SOX5: variants seen among roughly 807,000 people sequenced by gnomAD.
SOX5 encodes transcription factor SOX-5.
A neutral mutation model predicts 92.0 loss-of-function variants in SOX5; 9 were observed. The observed-to-expected ratio is 0.10, with a 90% CI of 0.06 to 0.17. The LOEUF is 0.17. Ranked by LOEUF, SOX5 falls within the 10% of genes least tolerant of loss-of-function variation. SOX5 has a pLI of 1.00. For synonymous variants in SOX5, 344 were observed against 336.3 expected, an observed-to-expected ratio of 1.02 and a Z score of -0.25; for missense variants, 642 against 944.5, an observed-to-expected ratio of 0.68 and a Z score of 4.20.
intron 6 of SOX5, among the ~76,000 whole-genome samples, chr12:23,716,683 T>A (rs1343333997): frequency 3.3e-5 from 5 of 152,222 alleles, no homozygotes; most frequent in Non-Finnish European, 7.3e-5. Context: ...GGTTCTCTTA[T>A]AAGGCCCTCT....
chr12:23,918,073 A>G (rs546737111), intron 1 of SOX5, among the ~76,000 whole-genome samples: 4 of 152,196 alleles, frequency 2.6e-5, no homozygotes, highest in African/African-American at 4.8e-5. Context: ...TCTAAGACTG[A>G]TGGGAGATTT....
chr12:24,260,437 G>T (rs1392092875), intron 3 of SOX5, among the ~76,000 whole-genome samples: 1 of 152,146 alleles, frequency 6.6e-6, no homozygotes, highest in East Asian at 1.9e-4. Context: ...AAAGTGCCTA[G>T]CACACAGTGA....
At chr12:24,032,376 C>T (rs962804128) in intron 4 of SOX5, among the ~76,000 whole-genome samples, 3 of 151,732 alleles carry the variant, frequency 2.0e-5, no homozygotes, top group Admixed American at 6.6e-5. Context: ...AATTTAGTTC[C>T]TGAAAACATC....
At chr12:24,117,845 C>T (rs966052721) in intron 4 of SOX5, among the ~76,000 whole-genome samples, 1 of 151,722 alleles carries the variant, frequency 6.6e-6, no homozygotes, top group South Asian at 2.1e-4. Flanking sequence ...CATAGTGAAA[C>T]CCTATCTCTA....
chr12:23,779,515 A>G (rs2095213784), intron 3 of SOX5, among the ~76,000 whole-genome samples: 1 of 151,604 alleles, frequency 6.6e-6, no homozygotes, highest in African/African-American at 2.4e-5. Flanking sequence ...TACCAAATTC[A>G]GAAGCTAATG....
intron 1 of SOX5, among the ~76,000 whole-genome samples, chr12:24,520,376 T>A (rs1435411704): frequency 1.3e-5 from 2 of 152,052 alleles, no homozygotes; most frequent in Non-Finnish European, 2.9e-5. Flanking sequence ...ATGGTGGTTT[T>A]GCATGCAGTC....
chr12:23,958,415 C>T (rs1004658802), intron 4 of SOX5, among the ~76,000 whole-genome samples: 9 of 151,910 alleles, frequency 5.9e-5, no homozygotes, highest in African/African-American at 2.2e-4. Flanking sequence ...TGACCTAGTC[C>T]AGTATATGGA....
intron 1 of SOX5, among the ~76,000 whole-genome samples, chr12:24,476,995 CAAAAAAAAA>C (rs11385447): frequency 1.9e-5 from 1 of 53,658 alleles, no homozygotes; most frequent in Admixed American, 2.2e-4. Flanking sequence ...AGACCCCTCT[CAAAAAAAAA>C]AAAAAAAAAA....
At chr12:23,914,673 C>A (rs1036470588) in intron 1 of SOX5, among the ~76,000 whole-genome samples, 3 of 152,056 alleles carry the variant, frequency 2.0e-5, no homozygotes, top group Non-Finnish European at 4.4e-5. Context: ...TTACTAGTCT[C>A]ATTATTAATT....
rs145971345 is a variant in SOX5 at position 23,585,486 on chromosome 12, G to A, written c.1165-9648C>T. On this transcript the variant is annotated intron_variant, in intron 9 of 14. Transcript: ENST00000451604. ...ATTCATTACAGATAGAGGAAAGGGGGCAGTCATTGAAGACAAAGGTAAAAA... is the reference window on the plus strand; with the variant it reads ...ATTCATTACAGATAGAGGAAAGGGGACAGTCATTGAAGACAAAGGTAAAAA... Among the ~76,000 whole-genome samples, 320 of 152,200 alleles carry A rather than the reference G, an allele frequency of 2.1e-3. 3 individuals carry two copies. Among genetic ancestry groups the A allele is most frequent in the African/African-American group, 7.2e-3 (299 of 41,526 alleles).
intron 13 of SOX5, among the ~76,000 whole-genome samples, chr12:23,537,107 T>C (rs1265722082): frequency 6.6e-6 from 1 of 152,164 alleles, no homozygotes; most frequent in Non-Finnish European, 1.5e-5. Flanking sequence ...ACATATATCA[T>C]GTAGTCTCAT....
intron 3 of SOX5, among the ~76,000 whole-genome samples, chr12:24,221,925 G>C (rs1380194333): frequency 6.6e-6 from 1 of 152,216 alleles, no homozygotes; most frequent in Non-Finnish European, 1.5e-5. Context: ...GGCTGCAATG[G>C]AGTGAGTGAA....
At chr12:24,413,045 G>A (rs1039011873) in intron 1 of SOX5, among the ~76,000 whole-genome samples, 4 of 152,292 alleles carry the variant, frequency 2.6e-5, no homozygotes, top group African/African-American at 4.8e-5. Flanking sequence ...TTGAGCCATC[G>A]CGCCCGGCCT....
chr12:23,780,233 G>T (rs1174791157), intron 3 of SOX5, among the ~76,000 whole-genome samples: 1 of 151,776 alleles, frequency 6.6e-6, no homozygotes, highest in Non-Finnish European at 1.5e-5. Context: ...CAGAAAGAGT[G>T]CTATTTTTTT....
At chr12:24,138,213 C>T (rs960291923) in intron 4 of SOX5, among the ~76,000 whole-genome samples, 10 of 152,202 alleles carry the variant, frequency 6.6e-5, no homozygotes, top group Non-Finnish European at 1.3e-4. Context: ...GAGGCGTATC[C>T]ACTTGATCAT....
intron 2 of SOX5, among the ~76,000 whole-genome samples, chr12:24,339,304 A>AG (rs1451491294): frequency 6.6e-6 from 1 of 152,146 alleles, no homozygotes; most frequent in Non-Finnish European, 1.5e-5. Context: ...GATTCATGGC[A>AG]GGGCCCTTCA....
At chr12:23,540,107 AAGAG>A (rs999041119) in intron 13 of SOX5, among the ~76,000 whole-genome samples, 9 of 151,432 alleles carry the variant, frequency 5.9e-5, no homozygotes, top group South Asian at 2.1e-4. Context: ...AAAAAAAAAA[AAGAG>A]AGAAAAAATA....
At chr12:24,153,823 A>G (rs1374472945) in intron 4 of SOX5, among the ~76,000 whole-genome samples, 1 of 152,108 alleles carries the variant, frequency 6.6e-6, no homozygotes, top group African/African-American at 2.4e-5. Context: ...TCAAAGTGCC[A>G]GTCAGGCCTT....
chr12:24,038,558 T>C (rs1055177677), intron 4 of SOX5, among the ~76,000 whole-genome samples: 2 of 152,156 alleles, frequency 1.3e-5, no homozygotes, highest in Non-Finnish European at 2.9e-5. Context: ...CAATGGGAAC[T>C]TCAACCCCTA....
Sources: allele counts gnomAD v4.1 joint callset (sites outside exome capture counted in the v4.1 genomes callset), GRCh38; gene constraint gnomAD v4.1.1; transcripts MANE v1.5; gene names NCBI Gene and HGNC (gene_info 2026-07-23, HGNC 2026-07-21).